CEP192: variants seen among roughly 807,000 people sequenced by gnomAD.
CEP192 encodes centrosomal protein 192.
CEP192 carries 151 observed loss-of-function variants against 271.8 expected under a neutral mutation model. The observed-to-expected ratio is 0.56, with a 90% CI of 0.49 to 0.64. The LOEUF is 0.64. Ranked by LOEUF, CEP192 falls within the 30% of genes least tolerant of loss-of-function variation. The pLI is 0.00. For missense variants in CEP192, 2,910 were observed against 3,020.5 expected (o/e 0.96, Z 0.86); for synonymous variants, 995 against 1,076.5 (o/e 0.92, Z 1.48).
At chr18:13,121,570 C>T in intron 44 of CEP192, among the ~76,000 whole-genome samples, 1 of 152,256 alleles carries the variant, frequency 6.6e-6, no homozygotes, top group Middle Eastern at 3.2e-3. Flanking sequence ...GGAAACATTA[C>T]TAACAGGTTT....
intron 11 of CEP192, among the ~76,000 whole-genome samples, chr18:13,031,822 A>G (rs1440427552): frequency 6.6e-6 from 1 of 152,198 alleles, no homozygotes; most frequent in African/African-American, 2.4e-5. Flanking sequence ...TCACATAGGA[A>G]GCCACTTTTG....
At chr18:13,056,781 C>G (rs1282454096) in intron 19 of CEP192, 83 bp downstream of exon 19, 1 of 1,142,940 alleles carries the variant, frequency 8.7e-7, no homozygotes, top group East Asian at 2.4e-5. Flanking sequence ...CAAGGAGTTA[C>G]TGGTTAGCAT....
At chr18:12,995,094 C>T (rs1026009349) in intron 1 of CEP192, among the ~76,000 whole-genome samples, 2 of 130,472 alleles carry the variant, frequency 1.5e-5, no homozygotes, top group Non-Finnish European at 3.1e-5. Flanking sequence ...CGGAGTCTCG[C>T]TCTGTCGCCC....
rs773722206 is a variant in CEP192 at position 13,069,069 on chromosome 18, T to C, written c.4963-20T>C. On this transcript the variant is annotated intron_variant, in intron 25 of 44. Transcript: ENST00000506447. ...CTTTGTGACAGTTCGTTGAAATGTCTGTCTTGCCCCATCCTCCAGACGATG... is the reference window on the plus strand; with the variant it reads ...CTTTGTGACAGTTCGTTGAAATGTCCGTCTTGCCCCATCCTCCAGACGATG... The C allele has an allele frequency of 6.2e-7, 1 of 1,613,828 alleles. No homozygotes were observed. The highest frequency in any genetic ancestry group is 1.1e-5 in the South Asian group (1 of 91,074).
At chr18:13,012,907 G>T in intron 4 of CEP192, 66 bp from the exon 5 acceptor site, 1 of 782,624 alleles carries the variant, frequency 1.3e-6, no homozygotes, top group Admixed American at 2.9e-5. Context: ...CTATTTTTAG[G>T]TATCGTTGGG....
At position 13,119,527 on chromosome 18, in the gene CEP192, G is replaced by A. The variant is rs1287668241; in HGVS notation, c.7475+1884G>A. ...GGAGGCCGAGGTGGGCGGATCATGT[G>A]AGGTCAGGAGTTTGGACCAGCCTGG... is the stretch of plus-strand genomic sequence containing the variant. On this transcript the variant is annotated intron_variant, in intron 44 of 44. Transcript: ENST00000506447. Among the ~76,000 whole-genome samples, 4 of 152,214 alleles carry A rather than the reference G, an allele frequency of 2.6e-5. No individual in the cohort carries two copies. In the East Asian group the frequency reaches 5.8e-4, roughly 22 times the overall value.
intron 15 of CEP192, among the ~76,000 whole-genome samples, chr18:13,047,159 T>C (rs1281870171): frequency 1.3e-5 from 2 of 152,220 alleles, no homozygotes; most frequent in African/African-American, 4.8e-5. Context: ...GATTTATGTC[T>C]GCTTCTGACA....
At chr18:13,096,613 A>G (rs965762785) in intron 36 of CEP192, among the ~76,000 whole-genome samples, 1 of 152,182 alleles carries the variant, frequency 6.6e-6, no homozygotes, top group African/African-American at 2.4e-5. Flanking sequence ...AGGACTGCCC[A>G]TGAAATCACA....
intron 12 of CEP192, 117 bp downstream of exon 12, chr18:13,037,418 T>C: frequency 2.0e-6 from 1 of 509,456 alleles, no homozygotes; most frequent in Non-Finnish European, 3.5e-6. Context: ...TTCATATTTT[T>C]CTTATGGCTA....
At chr18:13,086,143 G>A (rs574163306) in intron 30 of CEP192, among the ~76,000 whole-genome samples, 2 of 152,202 alleles carry the variant, frequency 1.3e-5, no homozygotes, top group East Asian at 3.9e-4. Flanking sequence ...TCTCTTTGTA[G>A]CAATTGTGAA....
chr18:13,038,168 T>C (rs1405734626), intron 12 of CEP192, among the ~76,000 whole-genome samples: 1 of 152,124 alleles, frequency 6.6e-6, no homozygotes, highest in Non-Finnish European at 1.5e-5. Context: ...ACTCAAGTGT[T>C]CAAAAATACT....
chr18:13,116,245 A>G lies in CEP192; in HGVS notation c.7290-132A>G, dbSNP rs1035243885. The G allele has an allele frequency of 6.8e-5, 63 of 922,346 alleles. 1 individual carries two copies. In the Admixed American group the frequency reaches 1.7e-3, roughly 25 times the overall value. The allele number at this position is 922,346 out of a possible 1,614,324, so 57.1% of individuals were successfully genotyped here. ...CATAAATTAGATAAGTCGTCATTAC[A>G]AAACTTATATTTGAAAATAAATCAC... On this transcript the variant is annotated intron_variant, in intron 42 of 44. Coordinates refer to ENST00000506447, the MANE Select transcript of CEP192 (RefSeq NM_032142.4).
chr18:13,000,334 A>G (rs1283714925), intron 2 of CEP192: 1 of 152,008 alleles, frequency 6.6e-6, no homozygotes, highest in African/African-American at 2.4e-5. Context: ...CAGATTCTCA[A>G]AAGACATCTA....
chr18:13,095,106 T>C (rs954307915), intron 34 of CEP192, among the ~76,000 whole-genome samples: 2 of 152,172 alleles, frequency 1.3e-5, no homozygotes, highest in African/African-American at 4.8e-5. Flanking sequence ...CAAGTAATTC[T>C]CCTGCCTCGG....
chr18:13,103,736 G>A, intron 39 of CEP192, 148 bp downstream of exon 39: 1 of 703,406 alleles, frequency 1.4e-6, no homozygotes, highest in South Asian at 1.5e-5. Flanking sequence ...TGTCGCCCAG[G>A]CTGGAGTGCA....
At chr18:13,030,047 A>G (rs756917482) in intron 10 of CEP192, 45 bp downstream of exon 10, 131 of 1,343,134 alleles carry the variant, frequency 9.8e-5, no homozygotes, top group Non-Finnish European at 1.3e-5. Flanking sequence ...ATAGATGTTC[A>G]TACATTTTGA....
chr18:13,105,344 G>A (rs745594703), intron 40 of CEP192, among the ~76,000 whole-genome samples: 10 of 152,206 alleles, frequency 6.6e-5, no homozygotes, highest in Non-Finnish European at 1.5e-4. Flanking sequence ...TGATGGAGAC[G>A]AGAGTTTTGT....
chr18:13,104,878 C>T, intron 39 of CEP192, 106 bp from the exon 40 acceptor site: 1 of 850,628 alleles, frequency 1.2e-6, no homozygotes, highest in South Asian at 1.5e-5. Flanking sequence ...TTGTCCACTG[C>T]TAAGTGTGTT....
intron 38 of CEP192, among the ~76,000 whole-genome samples, chr18:13,101,880 C>G (rs2039723409): frequency 6.6e-6 from 1 of 152,144 alleles, no homozygotes; most frequent in African/African-American, 2.4e-5. Flanking sequence ...CTTGTCACTT[C>G]TGGACTCCTG....
Sources: gnomAD v4.1 joint callset for allele counts (sites outside exome capture counted in the v4.1 genomes callset) on GRCh38, gnomAD v4.1.1 for gene constraint, MANE v1.5 for transcripts, NCBI Gene and HGNC (gene_info 2026-07-23, HGNC 2026-07-21) for gene names.